The following MC2R variants were observed in gnomAD, a reference collection of about 807,000 sequenced individuals.
MC2R encodes the protein melanocortin 2 receptor.
MC2R carries 9 observed loss-of-function variants against 9.8 expected under a neutral mutation model. That is an observed-to-expected ratio of 0.92 (90% CI 0.55 to 1.60). The LOEUF is 1.60. MC2R is among the 40% of genes most tolerant of loss of function. The pLI, the probability that MC2R is intolerant of heterozygous loss-of-function variation, is 0.00. For missense variants in MC2R, 370 were observed against 389.0 expected, an observed-to-expected ratio of 0.95 and a Z score of 0.41; for synonymous variants, 185 against 154.7, an observed-to-expected ratio of 1.20 and a Z score of -1.45.
chr18:13,897,721 C>T (rs972730944), intron 1 of MC2R, among the ~76,000 whole-genome samples: 1 of 152,050 alleles, frequency 6.6e-6, no homozygotes, highest in Admixed American at 6.5e-5. Flanking sequence ...AGTTGTGAGG[C>T]TTCCATTCCA....
chr18:13,913,094 T>C (rs906191630), intron 1 of MC2R, among the ~76,000 whole-genome samples: 4 of 152,132 alleles, frequency 2.6e-5, no homozygotes, highest in Non-Finnish European at 5.9e-5. Flanking sequence ...TGAATGACAA[T>C]GTGATCACAT....
rs531799113 is a variant in MC2R at position 13,897,158 on chromosome 18, C to T, written c.-128-11512G>A. 1.7e-4 allele frequency among the ~76,000 whole-genome samples: 26 copies of T among 152,318 alleles called. 1 individual carries two copies. In the East Asian group the frequency reaches 4.8e-3, roughly 28 times the overall value. The stretch of plus-strand genomic sequence containing the variant: ...TCTCAAATTGCAGACACCACCCCCC[C>T]AAACCCCCCAGTGGTAGCGTGGTGT... On this transcript the variant is annotated intron_variant, in intron 1 of 1. Transcript: ENST00000327606.
rs149161443 is a variant in MC2R at position 13,885,096 on chromosome 18, G to C, written c.423C>G (p.Ile141Met). 1.2e-6 allele frequency: 2 copies of C among 1,614,166 alleles called. No individual in the cohort carries two copies. Among genetic ancestry groups the C allele is most frequent in the South Asian group, 1.1e-5 (1 of 91,074 alleles). The change falls in exon 2 of 2, where the codon ATC becomes ATG. Residue 141 changes from isoleucine to methionine, a missense_variant. Ile to Met is a conservative substitution (Grantham distance 10). Transcript: ENST00000327606. ...TIFHALRYHSIVTMRRTVVVL... is the reference protein window; with the variant it reads ...TIFHALRYHSMVTMRRTVVVL... Reference sequence around the variant, plus strand: ...CCACCACAGTGCGGCGCATGGTCACGATGCTGTGGTACCGCAGTGCGTGGA... The same window carrying C: ...CCACCACAGTGCGGCGCATGGTCACCATGCTGTGGTACCGCAGTGCGTGGA...
intron 1 of MC2R, among the ~76,000 whole-genome samples, chr18:13,904,380 C>CAAAA (rs56308792): frequency 1.8e-4 from 17 of 94,986 alleles, no homozygotes; most frequent in African/African-American, 5.7e-4. Context: ...GACCCCGTCT[C>CAAAA]AAAAAAAAAA....
intron 1 of MC2R, among the ~76,000 whole-genome samples, chr18:13,903,949 A>T (rs2045395746): frequency 6.6e-6 from 1 of 151,980 alleles, no homozygotes. Context: ...TCTCTATATG[A>T]TAACATCCTT....
At chr18:13,903,496 G>A (rs2045392702) in intron 1 of MC2R, among the ~76,000 whole-genome samples, 1 of 152,116 alleles carries the variant, frequency 6.6e-6, no homozygotes, top group African/African-American at 2.4e-5. Context: ...ATACAAAATG[G>A]AGTACTTTAC....
chr18:13,891,187 T>C (rs1173344476), intron 1 of MC2R, among the ~76,000 whole-genome samples: 2 of 152,226 alleles, frequency 1.3e-5, no homozygotes, highest in African/African-American at 4.8e-5. Flanking sequence ...GAGTATATTG[T>C]ATATCATGTC....
At chr18:13,892,931 A>G (rs957319371) in intron 1 of MC2R, among the ~76,000 whole-genome samples, 2 of 152,050 alleles carry the variant, frequency 1.3e-5, no homozygotes, top group African/African-American at 4.8e-5. Context: ...GGCTCAAGTG[A>G]TTGTCTCGCC....
intron 1 of MC2R, among the ~76,000 whole-genome samples, chr18:13,914,249 A>G (rs980594111): frequency 6.6e-6 from 1 of 152,032 alleles, no homozygotes; most frequent in South Asian, 2.1e-4. Context: ...GCGGTGTCCC[A>G]AAGGCAGGGT....
chr18:13,891,752 G>C (rs1054285245), intron 1 of MC2R, among the ~76,000 whole-genome samples: 3 of 148,740 alleles, frequency 2.0e-5, no homozygotes, highest in African/African-American at 7.5e-5. Flanking sequence ...CAGCATTTTG[G>C]CCCTTCGGGT....
chr18:13,891,628 A>T (rs895997531), intron 1 of MC2R, among the ~76,000 whole-genome samples: 1 of 152,094 alleles, frequency 6.6e-6, no homozygotes. Flanking sequence ...ACATCTGGGG[A>T]CTGTTTCAGC....
chr18:13,895,524 GT>G (rs1223952071), intron 1 of MC2R, among the ~76,000 whole-genome samples: 19 of 152,098 alleles, frequency 1.2e-4, no homozygotes, highest in Admixed American at 1.2e-3. Flanking sequence ...GTCAGGAGAG[GT>G]TTTTATTCAG....
At chr18:13,906,016 G>A (rs1280511461) in intron 1 of MC2R, among the ~76,000 whole-genome samples, 1 of 152,202 alleles carries the variant, frequency 6.6e-6, no homozygotes, top group Admixed American at 6.5e-5. Context: ...GGAGGTTGCA[G>A]TGAGCTGAGA....
chr18:13,884,351 A>C lies in MC2R; in HGVS notation c.*274T>G, dbSNP rs547865307. 5.5e-5 allele frequency: 27 copies of C among 495,216 alleles called. No individual in the cohort carries two copies. In the South Asian group the frequency reaches 5.6e-4, roughly 10 times the overall value. 30.7% of individuals were successfully genotyped at this position (495,216 alleles called of 1,614,324 possible). A position where few individuals can be genotyped will look rare whatever the true frequency, so the allele number is the denominator to read the frequency against. On this transcript the variant is annotated 3_prime_UTR_variant, in exon 2 of 2. Transcript: ENST00000327606. ...TTGGTCATTGAAAGTAATGGCAAAA[A>C]CCTTAATTACTTTTGTACCTACCTA...
At position 13,884,196 on chromosome 18, in the gene MC2R, C is replaced by T. The variant is rs1052357564; in HGVS notation, c.*429G>A. The T allele has an allele frequency of 2.4e-5, 6 of 250,684 alleles. No individual in the cohort carries two copies. The highest frequency in any genetic ancestry group is 4.7e-5 in the Non-Finnish European group (6 of 127,898). 15.5% of individuals were successfully genotyped at this position (250,684 alleles called of 1,614,324 possible). A position where few individuals can be genotyped will look rare whatever the true frequency, so the allele number is the denominator to read the frequency against. ...ACTTCTGGAAATTGGCTGCAATGGC[C>T]TCCACCTGGAAAGGCCACCTCAGAA... is the stretch of plus-strand genomic sequence containing the variant. On this transcript the variant is annotated 3_prime_UTR_variant, in exon 2 of 2. Transcript: ENST00000327606.
At chr18:13,894,350 T>C (rs1418788879) in intron 1 of MC2R, among the ~76,000 whole-genome samples, 1 of 152,236 alleles carries the variant, frequency 6.6e-6, no homozygotes, top group African/African-American at 2.4e-5. Flanking sequence ...TGAGAGCTTT[T>C]CGTGGAAGTT....
intron 1 of MC2R, among the ~76,000 whole-genome samples, chr18:13,892,475 G>A (rs989800596): frequency 6.6e-6 from 1 of 152,146 alleles, no homozygotes; most frequent in Admixed American, 6.5e-5. Context: ...TCTGGGCAGG[G>A]TCTGGTGGTG....
chr18:13,911,193 A>G (rs980029548), intron 1 of MC2R, among the ~76,000 whole-genome samples: 3 of 152,118 alleles, frequency 2.0e-5, no homozygotes, highest in Non-Finnish European at 4.4e-5. Flanking sequence ...ACAGGAGAGG[A>G]GCTGAGGGCC....
At chr18:13,896,878 C>G (rs34835077) in intron 1 of MC2R, among the ~76,000 whole-genome samples, 74,330 of 152,036 alleles carry the variant, frequency 0.49, 18,654 homozygotes, top group Middle Eastern at 0.61. Context: ...AAATATACTC[C>G]GCAAGTCCAT....
Sources: allele counts gnomAD v4.1 joint callset (sites outside exome capture counted in the v4.1 genomes callset), GRCh38; gene constraint gnomAD v4.1.1; transcripts MANE v1.5; gene names NCBI Gene and HGNC (gene_info 2026-07-23, HGNC 2026-07-21).